Variants in MYO18B observed in about 807,000 individuals in gnomAD.
MYO18B encodes the protein unconventional myosin-XVIIIb.
Under a neutral mutation model 273.0 loss-of-function variants are expected in MYO18B, and 204 were observed. That is an observed-to-expected ratio of 0.75 (90% confidence interval 0.67 to 0.84). The LOEUF (loss-of-function observed/expected upper bound fraction) is 0.84. Ranked by LOEUF, MYO18B falls within the 40% of genes least tolerant of loss-of-function variation. The pLI is 0.00. For synonymous variants in MYO18B, 1,330 were observed against 1,305.7 expected (o/e 1.02, Z -0.40); for missense variants, 3,212 against 3,287.6 (o/e 0.98, Z 0.56).
chr22:26,042,947 A>G, the MYO18B span, among the ~76,000 whole-genome samples: 13 of 152,318 alleles, frequency 8.5e-5, no homozygotes, highest in East Asian at 9.6e-4. Flanking sequence ...TTTGCGTGCA[A>G]TGAAATTGCT....
In MYO18B at chr22:26,030,788, A is replaced by T. The variant is rs1037156614; in HGVS notation, c.*358A>T. ...TCTATTTCTCTTCCTACATGTCTAC[A>T]TGCCATGACCTTCCTCCTCCTCTTC... On this transcript the variant is annotated 3_prime_UTR_variant, in exon 44 of 44. Transcript: ENST00000335473. 2 of 396,502 alleles carry T rather than the reference A, an allele frequency of 5.0e-6. No individual in the cohort carries two copies. Among genetic ancestry groups the T allele is most frequent in the African/African-American group, 2.1e-5 (1 of 48,556 alleles). 24.6% of individuals were successfully genotyped at this position (396,502 alleles called of 1,614,324 possible). A position where few individuals can be genotyped will look rare whatever the true frequency, so the allele number is the denominator to read the frequency against.
chr22:25,961,595 C>G (rs574262946), intron 39 of MYO18B, among the ~76,000 whole-genome samples: 9 of 152,290 alleles, frequency 5.9e-5, no homozygotes, highest in African/African-American at 1.9e-4. Context: ...TGAAGCAACT[C>G]CTCTGTGGAT....
intron 1 of MYO18B, among the ~76,000 whole-genome samples, chr22:25,760,211 C>T (rs567557413): frequency 6.6e-6 from 1 of 152,006 alleles, no homozygotes; most frequent in Admixed American, 6.6e-5. Context: ...GTCAGGAGTT[C>T]GAGTCCAGCC....
intron 33 of MYO18B, among the ~76,000 whole-genome samples, chr22:25,919,723 A>G (rs997345323): frequency 5.9e-5 from 9 of 151,624 alleles, no homozygotes; most frequent in African/African-American, 2.2e-4. Flanking sequence ...ATAGAACAGC[A>G]TTTTGAACCT....
intron 25 of MYO18B, among the ~76,000 whole-genome samples, chr22:25,890,365 T>C (rs2091623937): frequency 6.6e-6 from 1 of 152,248 alleles, no homozygotes; most frequent in Non-Finnish European, 1.5e-5. Context: ...GTGAGATGAT[T>C]TGCTAAAAGC....
At chr22:25,938,001 A>G (rs376872856) in intron 34 of MYO18B, among the ~76,000 whole-genome samples, 30 of 152,228 alleles carry the variant, frequency 2.0e-4, no homozygotes, top group African/African-American at 7.0e-4. Flanking sequence ...GGTTCTTTCA[A>G]GTACCCTGAT....
At chr22:26,001,353 C>G (rs962671630) in intron 40 of MYO18B, among the ~76,000 whole-genome samples, 1 of 152,166 alleles carries the variant, frequency 6.6e-6, no homozygotes, top group Non-Finnish European at 1.5e-5. Flanking sequence ...GGCGCAGCAC[C>G]TAGGGAATAG....
At chr22:25,778,665 A>G (rs2087012556) in intron 8 of MYO18B, among the ~76,000 whole-genome samples, 1 of 151,314 alleles carries the variant, frequency 6.6e-6, no homozygotes, top group Non-Finnish European at 1.5e-5. Context: ...TATTTTTTGT[A>G]TTTTTTTGTA....
intron 3 of MYO18B, among the ~76,000 whole-genome samples, chr22:25,766,536 G>C (rs936007510): frequency 6.6e-6 from 1 of 152,160 alleles, no homozygotes; most frequent in Admixed American, 6.5e-5. Flanking sequence ...AACAATTTCT[G>C]ATTGAGGTCT....
chr22:25,901,703 G>A (rs1384654053), intron 29 of MYO18B, among the ~76,000 whole-genome samples: 3 of 151,152 alleles, frequency 2.0e-5, no homozygotes, highest in African/African-American at 4.9e-5. Flanking sequence ...ACATCCATTC[G>A]TTTGTTCATT....
chr22:26,057,959 A>G, the MYO18B span, among the ~76,000 whole-genome samples: 1 of 152,138 alleles, frequency 6.6e-6, no homozygotes, highest in African/African-American at 2.4e-5. Context: ...ATTACTAATC[A>G]ATCATGGAAA....
chr22:25,950,550 G>GTGTGTGTGTA (rs539614518), intron 37 of MYO18B, 100 bp downstream of exon 37: 25 of 740,620 alleles, frequency 3.4e-5, no homozygotes, highest in African/African-American at 2.8e-4. Flanking sequence ...GTGTGTGTGT[G>GTGTGTGTGTA]TATGAGTTTA....
intron 9 of MYO18B, among the ~76,000 whole-genome samples, chr22:25,781,128 A>T (rs1202388739): frequency 1.3e-5 from 2 of 152,210 alleles, no homozygotes; most frequent in Non-Finnish European, 2.9e-5. Flanking sequence ...AAAGGCTTCT[A>T]TTAAAAAGGG....
chr22:25,865,874 G>A (rs1000445241), intron 21 of MYO18B, among the ~76,000 whole-genome samples: 1 of 150,352 alleles, frequency 6.7e-6, no homozygotes, highest in Non-Finnish European at 1.5e-5. Context: ...TTCTTCTTAT[G>A]TAGAGAAAAA....
At chr22:25,900,647 C>G (rs1215597465) in intron 29 of MYO18B, 1 of 152,326 alleles carries the variant, frequency 6.6e-6, no homozygotes, top group Non-Finnish European at 1.5e-5. Context: ...ACCCAAGGCC[C>G]TTTCTTAACA....
At chr22:25,940,709 C>T (rs1413634520) in intron 34 of MYO18B, among the ~76,000 whole-genome samples, 1 of 152,188 alleles carries the variant, frequency 6.6e-6, no homozygotes, top group African/African-American at 2.4e-5. Flanking sequence ...TGGAGCTCAT[C>T]TCATCTTACC....
intron 39 of MYO18B, among the ~76,000 whole-genome samples, chr22:25,981,537 C>G (rs1050194382): frequency 6.6e-6 from 1 of 152,120 alleles, no homozygotes; most frequent in Non-Finnish European, 1.5e-5. Context: ...GCCAGGAAGT[C>G]AAGACCAGCT....
chr22:25,915,654 GT>G (rs2092250250), intron 33 of MYO18B, among the ~76,000 whole-genome samples: 1 of 152,056 alleles, frequency 6.6e-6, no homozygotes, highest in African/African-American at 2.4e-5. Flanking sequence ...AATATTATAT[GT>G]TTTTTCTGCA....
rs756063834 is a variant in MYO18B, at chr22:25,785,497, G to A, written c.2376+6G>A. On this transcript the variant is annotated splice_donor_region_variant and intron_variant, in intron 11 of 43. Coordinates refer to ENST00000335473, the MANE Select transcript of MYO18B (RefSeq NM_032608.7). ...GCATGGGCGTGTGGTCCAAGGTAAG[G>A]AGGAGGTCCCTCACGGGTGGGATGT... is the stretch of plus-strand genomic sequence containing the variant. 11 of 1,611,820 alleles carry A rather than the reference G, an allele frequency of 6.8e-6. No homozygotes were observed. Among genetic ancestry groups the A allele is most frequent in the Admixed American group, 3.3e-5 (2 of 59,734 alleles).
Sources: allele counts gnomAD v4.1 joint callset (sites outside exome capture counted in the v4.1 genomes callset), GRCh38; gene constraint gnomAD v4.1.1; transcripts MANE v1.5; gene names NCBI Gene and HGNC (gene_info 2026-07-23, HGNC 2026-07-21).